Variants in PRLR observed in about 807,000 individuals in gnomAD.
PRLR encodes the protein prolactin receptor.
In PRLR, 13 loss-of-function variants were observed where a neutral mutation model predicts 40.2. The ratio of observed to expected loss-of-function variants is 0.32; its 90% CI spans 0.21 to 0.51. The LOEUF (loss-of-function observed/expected upper bound fraction) is 0.51. Ranked by LOEUF, PRLR falls within the 20% of genes least tolerant of loss-of-function variation. The pLI is 0.97. For missense variants in PRLR, 656 were observed against 747.3 expected (o/e 0.88, Z 1.42); for synonymous variants, 269 against 278.7 (o/e 0.97, Z 0.35).
intron 4 of PRLR, 121 bp from the exon 5 acceptor site, chr5:35,084,760 C>T (rs866728757): frequency 1.0e-5 from 9 of 888,720 alleles, no homozygotes; most frequent in Admixed American, 3.3e-5. Context: ...AAACCCAGAG[C>T]TGACAAATGG....
At chr5:35,196,000 C>G (rs1305595598) in intron 1 of PRLR, among the ~76,000 whole-genome samples, 8 of 105,842 alleles carry the variant, frequency 7.6e-5, no homozygotes. Context: ...CCAGGCAAAG[C>G]AGTCCATCAA....
intron 1 of PRLR, among the ~76,000 whole-genome samples, chr5:35,120,955 G>A (rs1289293722): frequency 6.6e-6 from 1 of 152,212 alleles, no homozygotes; most frequent in East Asian, 1.9e-4. Flanking sequence ...AATAAGCTTG[G>A]CTGTGTTCCA....
chr5:35,098,734 A>C (rs1771684298), intron 2 of PRLR, among the ~76,000 whole-genome samples: 1 of 152,216 alleles, frequency 6.6e-6, no homozygotes, highest in Non-Finnish European at 1.5e-5. Context: ...TAAAACATAA[A>C]TTATTGGCAT....
chr5:35,216,920 C>A (rs1776300399), intron 1 of PRLR, among the ~76,000 whole-genome samples: 1 of 152,078 alleles, frequency 6.6e-6, no homozygotes, highest in South Asian at 2.1e-4. Flanking sequence ...TGGTCTTGAC[C>A]AAGAAGTCTA....
intron 1 of PRLR, among the ~76,000 whole-genome samples, chr5:35,196,632 C>T (rs550008720): frequency 6.6e-6 from 1 of 152,286 alleles, no homozygotes; most frequent in East Asian, 1.9e-4. Context: ...CAGGAATCCC[C>T]CTCCTCTGTC....
chr5:35,080,258 C>T (rs1473757377), intron 5 of PRLR, among the ~76,000 whole-genome samples: 1 of 152,106 alleles, frequency 6.6e-6, no homozygotes, highest in Non-Finnish European at 1.5e-5. Flanking sequence ...AGGCAACCTA[C>T]AGAATGGGAG....
chr5:35,075,335 A>G (rs1561271738), intron 5 of PRLR, among the ~76,000 whole-genome samples: 1 of 152,202 alleles, frequency 6.6e-6, no homozygotes, highest in Non-Finnish European at 1.5e-5. Context: ...GGACACTACC[A>G]CTGTAATACT....
At chr5:35,074,671 AT>A (rs1251271347) in intron 5 of PRLR, among the ~76,000 whole-genome samples, 1 of 152,008 alleles carries the variant, frequency 6.6e-6, no homozygotes, top group South Asian at 2.1e-4. Context: ...GATAGTGGTG[AT>A]GGTTGCATAA....
chr5:35,054,204 C>T (rs944206400), downstream of PRLR, among the ~76,000 whole-genome samples: 2 of 152,170 alleles, frequency 1.3e-5, no homozygotes, highest in African/African-American at 4.8e-5. Flanking sequence ...ACACTGATGG[C>T]AAGGGTACAC....
intron 2 of PRLR, among the ~76,000 whole-genome samples, chr5:35,090,791 C>CTTTTTTTTTTTTTTTT (rs554800498): frequency 1.7e-5 from 1 of 59,140 alleles, no homozygotes; most frequent in Non-Finnish European, 3.8e-5. Context: ...TCAATTAGCT[C>CTTTTTTTTTTTTTTTT]TTTTTTTTTT....
At chr5:35,136,872 T>A (rs1773873213) in intron 1 of PRLR, among the ~76,000 whole-genome samples, 1 of 152,024 alleles carries the variant, frequency 6.6e-6, no homozygotes, top group African/African-American at 2.4e-5. Context: ...TTGGCATTTC[T>A]ATTAAATTCC....
intron 1 of PRLR, among the ~76,000 whole-genome samples, chr5:35,216,695 T>C (rs1776296035): frequency 6.6e-6 from 1 of 152,222 alleles, no homozygotes; most frequent in African/African-American, 2.4e-5. Flanking sequence ...TTCATTTCTT[T>C]AGGAGACATG....
intron 1 of PRLR, among the ~76,000 whole-genome samples, chr5:35,170,604 G>A (rs539523042): frequency 6.6e-6 from 1 of 152,354 alleles, no homozygotes; most frequent in East Asian, 1.9e-4. Context: ...GTTTGAGGCT[G>A]CAGTCAGCTA....
chr5:35,120,826 G>A (rs777682901), intron 1 of PRLR, among the ~76,000 whole-genome samples: 1 of 152,202 alleles, frequency 6.6e-6, no homozygotes, highest in Non-Finnish European at 1.5e-5. Flanking sequence ...ACATAAAGCA[G>A]AAGTTGAGAG....
At chr5:35,128,811 A>T (rs574212086) in intron 1 of PRLR, among the ~76,000 whole-genome samples, 1 of 152,268 alleles carries the variant, frequency 6.6e-6, no homozygotes, top group East Asian at 1.9e-4. Flanking sequence ...CTCACTTTTT[A>T]ACCTGCCCAT....
intron 1 of PRLR, among the ~76,000 whole-genome samples, chr5:35,175,941 T>TA (rs1474419275): frequency 6.6e-6 from 1 of 152,182 alleles, no homozygotes; most frequent in African/African-American, 2.4e-5. Context: ...GGACAGCTAT[T>TA]GTTAACATTT....
chr5:35,129,046 A>G (rs1579707200), intron 1 of PRLR, among the ~76,000 whole-genome samples: 1 of 152,322 alleles, frequency 6.6e-6, no homozygotes, highest in Admixed American at 6.5e-5. Context: ...TCTTCACTGC[A>G]AAGGGAACCA....
At chr5:35,120,820 A>G (rs1372681624) in intron 1 of PRLR, among the ~76,000 whole-genome samples, 1 of 152,208 alleles carries the variant, frequency 6.6e-6, no homozygotes, top group Non-Finnish European at 1.5e-5. Flanking sequence ...TCTGTCACAT[A>G]AAGCAGAAGT....
intron 1 of PRLR, among the ~76,000 whole-genome samples, chr5:35,173,757 T>C (rs1775063511): frequency 6.6e-6 from 1 of 152,230 alleles, no homozygotes; most frequent in East Asian, 1.9e-4. Flanking sequence ...GAAATGAATG[T>C]GAAAGAAATA....
Sources: allele counts gnomAD v4.1 joint callset (sites outside exome capture counted in the v4.1 genomes callset), GRCh38; gene constraint gnomAD v4.1.1; transcripts MANE v1.5; gene names NCBI Gene and HGNC (gene_info 2026-07-23, HGNC 2026-07-21).